Variants in HOMER1 observed in about 807,000 individuals in gnomAD.
HOMER1 encodes homer protein homolog 1.
A neutral mutation model predicts 48.9 loss-of-function variants in HOMER1; 3 were observed. The ratio of observed to expected loss-of-function variants is 0.06; its 90% CI spans 0.03 to 0.16. The LOEUF (loss-of-function observed/expected upper bound fraction) is 0.16, where lower values mean the gene tolerates loss of function less well. Among genes scored for constraint, HOMER1 ranks in the 10% least tolerant of loss-of-function variants. The probability of loss-of-function intolerance (pLI) is 1.00; values close to 1 mark genes in which losing one functional copy is unlikely to be tolerated. For missense variants in HOMER1, 247 were observed against 411.4 expected, an observed-to-expected ratio of 0.60 and a Z score of 3.46; for synonymous variants, 134 against 146.4, an observed-to-expected ratio of 0.92 and a Z score of 0.61.
chr5:79,459,649 A>C (rs947745405), intron 1 of HOMER1, among the ~76,000 whole-genome samples: 1 of 152,224 alleles, frequency 6.6e-6, no homozygotes, highest in Non-Finnish European at 1.5e-5. Context: ...CTTTTATTGA[A>C]TATCTATTAT....
intron 1 of HOMER1, among the ~76,000 whole-genome samples, chr5:79,493,157 G>A (rs1242930563): frequency 2.0e-5 from 3 of 151,980 alleles, no homozygotes; most frequent in Non-Finnish European, 2.9e-5. Flanking sequence ...GACCTCAGGC[G>A]ATCGCCTGTC....
intron 8 of HOMER1, among the ~76,000 whole-genome samples, chr5:79,380,684 G>A (rs1013160069): frequency 2.0e-5 from 3 of 152,290 alleles, no homozygotes; most frequent in Middle Eastern, 3.4e-3. Flanking sequence ...AATTGGCCTG[G>A]CTTTGATCCC....
chr5:79,475,827 T>C (rs1421014631), intron 1 of HOMER1, among the ~76,000 whole-genome samples: 3 of 152,162 alleles, frequency 2.0e-5, no homozygotes, highest in African/African-American at 4.8e-5. Flanking sequence ...CAGCACAAAC[T>C]GTCTTCAAAA....
intron 4 of HOMER1, 101 bp downstream of exon 4, chr5:79,446,952 G>A (rs1331132853): frequency 4.5e-5 from 33 of 731,858 alleles, no homozygotes; most frequent in Non-Finnish European, 7.3e-5. Context: ...CCACACTAAA[G>A]GGTGCATTTC....
intron 8 of HOMER1, among the ~76,000 whole-genome samples, chr5:79,392,954 G>GGAGAGAGAGAGAGAGAGAGAGAGA (rs3082001): frequency 3.5e-5 from 5 of 140,960 alleles, no homozygotes; most frequent in African/African-American, 1.4e-4. Context: ...GAAGGGAAAG[G>GGAGAGAGAGAGAGAGAGAGAGAGA]GAGAGAGAGA....
At chr5:79,460,030 TTTC>T (rs200879174) in intron 1 of HOMER1, among the ~76,000 whole-genome samples, 40,111 of 151,862 alleles carry the variant, frequency 0.26, 5,396 homozygotes, top group South Asian at 0.39. Context: ...CTTTCTTTCT[TTTC>T]TTTAACAGAT....
chr5:79,483,802 C>G (rs1027488668), intron 1 of HOMER1, among the ~76,000 whole-genome samples: 7 of 149,638 alleles, frequency 4.7e-5, no homozygotes, highest in African/African-American at 1.5e-4. Flanking sequence ...CGCCGGTAAT[C>G]CCAGCACTTT....
chr5:79,425,724 T>G (rs894110774), intron 5 of HOMER1, among the ~76,000 whole-genome samples: 1 of 151,972 alleles, frequency 6.6e-6, no homozygotes, highest in Non-Finnish European at 1.5e-5. Flanking sequence ...CATGACATGG[T>G]TCTTCACATA....
intron 5 of HOMER1, among the ~76,000 whole-genome samples, chr5:79,407,573 C>G (rs1421029270): frequency 6.6e-6 from 1 of 152,102 alleles, no homozygotes; most frequent in Non-Finnish European, 1.5e-5. Flanking sequence ...TTGACAGGCT[C>G]AGTGAACTTG....
intron 1 of HOMER1, among the ~76,000 whole-genome samples, chr5:79,479,262 T>C (rs1030775325): frequency 6.6e-6 from 1 of 152,202 alleles, no homozygotes; most frequent in African/African-American, 2.4e-5. Flanking sequence ...TGTAGAAGGC[T>C]GAATAATGGC....
At chr5:79,391,741 T>TA (rs1749258886) in intron 8 of HOMER1, among the ~76,000 whole-genome samples, 1 of 143,860 alleles carries the variant, frequency 7.0e-6, no homozygotes. Context: ...AGACTCTGTC[T>TA]CAAAAAAAAA....
chr5:79,444,348 T>G (rs570325341), intron 4 of HOMER1, among the ~76,000 whole-genome samples: 70 of 152,276 alleles, frequency 4.6e-4, no homozygotes, highest in Non-Finnish European at 7.9e-4. Context: ...GGACTATAGG[T>G]GCATACCATG....
chr5:79,395,767 T>C (rs1037447736), intron 8 of HOMER1, among the ~76,000 whole-genome samples: 1 of 152,212 alleles, frequency 6.6e-6, no homozygotes, highest in African/African-American at 2.4e-5. Flanking sequence ...CATTTAAATA[T>C]AGGTTGGACA....
chr5:79,394,850 A>G (rs1749340527), intron 8 of HOMER1, among the ~76,000 whole-genome samples: 1 of 152,238 alleles, frequency 6.6e-6, no homozygotes, highest in South Asian at 2.1e-4. Flanking sequence ...GATTATAGGC[A>G]TAAGCAACTA....
intron 4 of HOMER1, among the ~76,000 whole-genome samples, chr5:79,441,148 C>T (rs554016872): frequency 3.1e-4 from 47 of 152,066 alleles, no homozygotes; most frequent in Non-Finnish European, 6.0e-4. Flanking sequence ...GAGTGAGACT[C>T]CATCTCAAAA....
At chr5:79,460,339 T>C (rs190445337) in intron 1 of HOMER1, among the ~76,000 whole-genome samples, 1 of 152,176 alleles carries the variant, frequency 6.6e-6, no homozygotes, top group Non-Finnish European at 1.5e-5. Context: ...CCCAGCTACT[T>C]GGGAGGCTGG....
rs756900477 is a variant in HOMER1, at chr5:79,378,221, T to TTAAAAAAAAAAA, written c.877-2025_877-2024insTTTTTTTTTTTA. ...TGGGGTGACAGAGTAAGACTCTGTC[T>TTAAAAAAAAAAA]CAAAAAAAAAAAAAAAAAAAGGAAA... On this transcript the variant is annotated intron_variant, in intron 8 of 8. Transcript: ENST00000334082. Among the ~76,000 whole-genome samples, 265 of 97,452 alleles carry TTAAAAAAAAAAA rather than the reference T, an allele frequency of 2.7e-3. 3 individuals are homozygous for TTAAAAAAAAAAA. Among genetic ancestry groups the TTAAAAAAAAAAA allele is most frequent in the Non-Finnish European group, 3.2e-3 (166 of 51,932 alleles). The allele number at this position is 97,452 out of a possible 152,430, so 63.9% of individuals were successfully genotyped here. A position where few individuals can be genotyped will look rare whatever the true frequency, so the allele number is the denominator to read the frequency against.
intron 8 of HOMER1, among the ~76,000 whole-genome samples, chr5:79,378,795 A>C (rs1043024860): frequency 6.6e-6 from 1 of 152,022 alleles, no homozygotes; most frequent in African/African-American, 2.4e-5. Flanking sequence ...TCAATGCAAT[A>C]GTCAAACATT....
At chr5:79,393,143 T>C (rs555223604) in intron 8 of HOMER1, among the ~76,000 whole-genome samples, 1 of 152,292 alleles carries the variant, frequency 6.6e-6, no homozygotes, top group East Asian at 1.9e-4. Context: ...AAGAACTTAT[T>C]TATGTAACCA....
Sources: allele counts gnomAD v4.1 joint callset (sites outside exome capture counted in the v4.1 genomes callset), GRCh38; gene constraint gnomAD v4.1.1; transcripts MANE v1.5; gene names NCBI Gene and HGNC (gene_info 2026-07-23, HGNC 2026-07-21).